ATP6V0A4: variants seen among roughly 807,000 people sequenced by gnomAD.
ATP6V0A4 encodes V-type proton ATPase 116 kDa subunit a 4.
ATP6V0A4 carries 86 observed loss-of-function variants against 107.3 expected under a neutral mutation model. The ratio of observed to expected loss-of-function variants is 0.80; its 90% CI spans 0.67 to 0.96. The LOEUF is 0.96. Ranked by LOEUF, ATP6V0A4 falls within the 40% of genes least tolerant of loss-of-function variation. The pLI, the probability that ATP6V0A4 is intolerant of heterozygous loss-of-function variation, is 0.00. For synonymous variants in ATP6V0A4, 353 were observed against 381.4 expected (o/e 0.93, Z 0.87); for missense variants, 908 against 1,045.6 (o/e 0.87, Z 1.81).
chr7:138,778,201 C>G (rs1807756083), intron 2 of ATP6V0A4, among the ~76,000 whole-genome samples: 1 of 152,044 alleles, frequency 6.6e-6, no homozygotes, highest in Non-Finnish European at 1.5e-5. Flanking sequence ...TGGTGAAACA[C>G]CATCTTTACT....
In ATP6V0A4 at chr7:138,734,263, G is replaced by A. The variant is rs762603854; in HGVS notation, c.1573-9C>T. On this transcript the variant is annotated splice_polypyrimidine_tract_variant and intron_variant, in intron 15 of 21. Transcript: ENST00000310018. The stretch of plus-strand genomic sequence containing the variant: ...GAAGCCAAGTTCCAAATCTGGATGG[G>A]AAATGGGACAAAAAACCAAGTGAGA... The A allele has an allele frequency of 5.6e-6, 9 of 1,612,828 alleles. No individual in the cohort carries two copies. The highest frequency in any genetic ancestry group is 1.1e-5 in the South Asian group (1 of 91,022).
chr7:138,781,806 AT>A (rs1807933397), intron 2 of ATP6V0A4, among the ~76,000 whole-genome samples: 2 of 148,546 alleles, frequency 1.3e-5, no homozygotes, highest in East Asian at 2.0e-4. Flanking sequence ...CTTCTCAGCA[AT>A]TTTTTTTAAA....
intron 2 of ATP6V0A4, among the ~76,000 whole-genome samples, chr7:138,782,043 G>T (rs1268885699): frequency 6.6e-6 from 1 of 152,136 alleles, no homozygotes; most frequent in East Asian, 1.9e-4. Context: ...CTAGCCTGGG[G>T]ACCGCAGAAT....
chr7:138,782,764 C>T (rs1346205375), intron 2 of ATP6V0A4, among the ~76,000 whole-genome samples: 1 of 152,026 alleles, frequency 6.6e-6, no homozygotes, highest in Non-Finnish European at 1.5e-5. Context: ...AAGTCAGTGG[C>T]TGGTGAAGAA....
At chr7:138,778,952 C>G (rs1241648838) in intron 2 of ATP6V0A4, among the ~76,000 whole-genome samples, 2 of 152,136 alleles carry the variant, frequency 1.3e-5, no homozygotes, top group Non-Finnish European at 2.9e-5. Flanking sequence ...CCTCCAGCCC[C>G]GGTGGTAGCA....
At chr7:138,743,383 G>A (rs1263550624) in intron 14 of ATP6V0A4, among the ~76,000 whole-genome samples, 4 of 151,466 alleles carry the variant, frequency 2.6e-5, no homozygotes, top group African/African-American at 7.3e-5. Context: ...GCTTGAACCC[G>A]GGAGGTGGAG....
At chr7:138,768,956 C>T in intron 4 of ATP6V0A4, 82 bp from the exon 5 acceptor site, 5 of 1,591,652 alleles carry the variant, frequency 3.1e-6, no homozygotes, top group Middle Eastern at 1.7e-4. Context: ...AAGACATGTG[C>T]CTTTCACTCA....
Position 138,724,189 on chromosome 7 carries a change from C to CAAAA in ATP6V0A4, c.2011-2168_2011-2165dup, listed in dbSNP as rs3080498. 8.5e-3 allele frequency among the ~76,000 whole-genome samples: 784 copies of CAAAA among 92,672 alleles called. 13 individuals carry two copies. The highest frequency in any genetic ancestry group is 0.02 in the African/African-American group (489 of 24,116). The allele number at this position is 92,672 out of a possible 152,430, so 60.8% of individuals were successfully genotyped here. A position where few individuals can be genotyped will look rare whatever the true frequency, so the allele number is the denominator to read the frequency against. On this transcript the variant is annotated intron_variant, in intron 18 of 21. Transcript: ENST00000310018. Reference sequence around the variant, plus strand: ...TGGGTGACCAAGCAAGACTCTGCCTCAAAAAAAAAAAAAAAAAAAAAGTGT... The same window carrying CAAAA: ...TGGGTGACCAAGCAAGACTCTGCCTCAAAAAAAAAAAAAAAAAAAAAAAAAGTGT...
At chr7:138,737,258 G>C (rs1805384242) in intron 15 of ATP6V0A4, among the ~76,000 whole-genome samples, 3 of 151,106 alleles carry the variant, frequency 2.0e-5, no homozygotes, top group Non-Finnish European at 4.4e-5. Context: ...TGAATCATGG[G>C]GGTGGTTTCC....
intron 18 of ATP6V0A4, among the ~76,000 whole-genome samples, chr7:138,722,935 G>A (rs1169535056): frequency 2.0e-5 from 3 of 150,638 alleles, no homozygotes; most frequent in African/African-American, 7.3e-5. Context: ...GCACATGCCT[G>A]TAATCCCAGC....
In ATP6V0A4 at chr7:138,749,194, C is replaced by T; in HGVS notation, c.1153G>A (p.Val385Ile). ...GGGTTTATCTCCCGGTAGCTGCCGA[C>T]ACCATAGGCATCAACAATATTCTGG... ...GFQNIVDAYG[V>I]GSYREINPAP... Residue 385 changes from valine (V) to isoleucine (I), a missense_variant, in exon 12 of 22, where the codon GTC (valine) becomes ATC (isoleucine). Coordinates refer to ENST00000310018, the MANE Select transcript of ATP6V0A4 (RefSeq NM_020632.3). 6.2e-7 allele frequency: 1 copy of T among 1,614,042 alleles called. No homozygotes were observed. Among genetic ancestry groups the T allele is most frequent in the Non-Finnish European group, 8.5e-7 (1 of 1,180,030 alleles).
intron 14 of ATP6V0A4, among the ~76,000 whole-genome samples, chr7:138,743,536 G>A (rs1464229221): frequency 6.6e-6 from 1 of 151,986 alleles, no homozygotes; most frequent in Non-Finnish European, 1.5e-5. Context: ...AAAACTCTTG[G>A]ATGAAATTGA....
chr7:138,714,063 C>A (rs1308190881), intron 20 of ATP6V0A4, among the ~76,000 whole-genome samples: 1 of 147,028 alleles, frequency 6.8e-6, no homozygotes, highest in Non-Finnish European at 1.5e-5. Context: ...AAAGGCAAAA[C>A]CCTACCTCTA....
intron 5 of ATP6V0A4, among the ~76,000 whole-genome samples, chr7:138,763,876 C>G (rs1418664408): frequency 1.3e-5 from 2 of 150,302 alleles, no homozygotes; most frequent in Non-Finnish European, 3.0e-5. Flanking sequence ...AGGAGATTCG[C>G]TTGAATCCGG....
chr7:138,760,444 CA>C (rs570463822), intron 7 of ATP6V0A4, among the ~76,000 whole-genome samples: 92 of 60,832 alleles, frequency 1.5e-3, no homozygotes, highest in Middle Eastern at 8.3e-3. Flanking sequence ...AACTCTGTCT[CA>C]AAAAAAAAAA....
intron 18 of ATP6V0A4, among the ~76,000 whole-genome samples, chr7:138,725,982 T>TTTA (rs1554391705): frequency 4.9e-5 from 2 of 41,010 alleles, no homozygotes; most frequent in South Asian, 1.1e-3. Context: ...TGAAATGAAG[T>TTTA]TTATTTATTT....
intron 3 of ATP6V0A4, 151 bp downstream of exon 3, chr7:138,770,980 C>G: frequency 2.3e-6 from 2 of 868,534 alleles, no homozygotes; most frequent in Non-Finnish European, 3.8e-6. Flanking sequence ...AAATCCTAGC[C>G]AGAAGCACTA....
At chr7:138,791,432 G>A (rs1447083949) in intron 1 of ATP6V0A4, among the ~76,000 whole-genome samples, 1 of 152,162 alleles carries the variant, frequency 6.6e-6, no homozygotes, top group African/African-American at 2.4e-5. Flanking sequence ...TGATGGCTGA[G>A]AAGTTTTCAA....
intron 17 of ATP6V0A4, among the ~76,000 whole-genome samples, chr7:138,729,908 G>A (rs536759537): frequency 6.6e-6 from 1 of 152,142 alleles, no homozygotes; most frequent in South Asian, 2.1e-4. Context: ...TTTTGAGATG[G>A]AGTCTCGCTC....
Sources: gnomAD v4.1 joint callset for allele counts (sites outside exome capture counted in the v4.1 genomes callset) on GRCh38, gnomAD v4.1.1 for gene constraint, MANE v1.5 for transcripts, NCBI Gene and HGNC (gene_info 2026-07-23, HGNC 2026-07-21) for gene names.